The following DLG2 variants were observed in gnomAD, a reference collection of about 807,000 sequenced individuals.
DLG2 encodes the protein discs large MAGUK scaffold protein 2, also known as disks large homolog 2.
DLG2 carries 45 observed loss-of-function variants against 132.5 expected under a neutral mutation model. That is an observed-to-expected ratio of 0.34 (90% CI 0.27 to 0.44). The LOEUF is 0.44. DLG2 is among the 20% of genes least tolerant of loss of function. The pLI is 1.00. For synonymous variants in DLG2, 424 were observed against 419.6 expected, an observed-to-expected ratio of 1.01 and a Z score of -0.13; for missense variants, 1,045 against 1,196.9, an observed-to-expected ratio of 0.87 and a Z score of 1.87.
intron 11 of DLG2, among the ~76,000 whole-genome samples, chr11:84,040,879 T>C (rs2096058369): frequency 6.6e-6 from 1 of 151,970 alleles, no homozygotes; most frequent in Non-Finnish European, 1.5e-5. Context: ...CATTTGTTTG[T>C]ATCCTCTTTT....
At chr11:83,757,953 G>T (rs1198138508) in intron 18 of DLG2, among the ~76,000 whole-genome samples, 1 of 152,010 alleles carries the variant, frequency 6.6e-6, no homozygotes, top group East Asian at 1.9e-4. Flanking sequence ...CTATTGACTT[G>T]GTTAATACAA....
At position 85,337,613 on chromosome 11, in the gene DLG2, G is replaced by A. The variant is rs191167631; in HGVS notation, c.41-52248C>T. On this transcript the variant is annotated intron_variant, in intron 3 of 27. Transcript: ENST00000376104. The stretch of plus-strand genomic sequence containing the variant: ...TAAAACTTTATTATTACAGGTGATT[G>A]CCAGCATGAGAGGATTTCTCTATCA... Among the ~76,000 whole-genome samples, 414 of 152,272 alleles carry A rather than the reference G, an allele frequency of 2.7e-3. 1 individual carries two copies. The highest frequency in any genetic ancestry group is 3.2e-3 in the Non-Finnish European group (220 of 68,024).
intron 7 of DLG2, among the ~76,000 whole-genome samples, chr11:84,423,647 C>A (rs573224469): frequency 1.8e-4 from 28 of 152,234 alleles, no homozygotes; most frequent in African/African-American, 6.7e-4. Flanking sequence ...AGCTTCTCAG[C>A]ATACTGTGAG....
At chr11:84,211,181 C>T (rs2096749581) in intron 8 of DLG2, among the ~76,000 whole-genome samples, 1 of 152,160 alleles carries the variant, frequency 6.6e-6, no homozygotes, top group Non-Finnish European at 1.5e-5. Flanking sequence ...TCAGACTCTC[C>T]TGATTGCAAT....
At chr11:85,422,102 T>A (rs1371714002) in intron 3 of DLG2, among the ~76,000 whole-genome samples, 1 of 152,210 alleles carries the variant, frequency 6.6e-6, no homozygotes, top group African/African-American at 2.4e-5. Context: ...GGTGCTTTTG[T>A]CTCAGTTCTT....
intron 19 of DLG2, among the ~76,000 whole-genome samples, chr11:83,590,259 A>C (rs2097164773): frequency 1.3e-5 from 2 of 151,988 alleles, no homozygotes; most frequent in Non-Finnish European, 2.9e-5. Context: ...TCCTCAGCAA[A>C]TGTAAAAGAA....
intron 4 of DLG2, among the ~76,000 whole-genome samples, chr11:85,241,321 T>C (rs1050958754): frequency 2.0e-5 from 3 of 151,850 alleles, no homozygotes; most frequent in African/African-American, 4.8e-5. Context: ...TAGACAGTCA[T>C]ATCATCTACC....
intron 16 of DLG2, among the ~76,000 whole-genome samples, chr11:83,837,109 C>T (rs959069265): frequency 6.6e-5 from 10 of 152,136 alleles, no homozygotes; most frequent in Non-Finnish European, 1.3e-4. Context: ...CCTCACAGGG[C>T]CCTGCTGATA....
intron 7 of DLG2, among the ~76,000 whole-genome samples, chr11:84,415,421 A>G (rs2098925986): frequency 1.3e-5 from 2 of 152,186 alleles, no homozygotes; most frequent in Non-Finnish European, 2.9e-5. Flanking sequence ...TGTACAAAGC[A>G]CTAATATAGA....
intron 6 of DLG2, among the ~76,000 whole-genome samples, chr11:85,095,305 ATTGTCACAAATCTTTG>A: frequency 6.6e-6 from 1 of 152,348 alleles, no homozygotes; most frequent in Non-Finnish European, 1.5e-5. Context: ...TAAACACAAG[ATTGTCACAAATCTTTG>A]ATTTGTAGAA....
chr11:84,491,734 TC>T (rs1439514652), intron 7 of DLG2, among the ~76,000 whole-genome samples: 1 of 152,156 alleles, frequency 6.6e-6, no homozygotes, highest in Non-Finnish European at 1.5e-5. Flanking sequence ...ATTTCCAACT[TC>T]CACTTGCAGT....
intron 4 of DLG2, among the ~76,000 whole-genome samples, chr11:85,249,456 A>G (rs1043840419): frequency 2.6e-5 from 4 of 151,842 alleles, no homozygotes; most frequent in Non-Finnish European, 4.4e-5. Flanking sequence ...TAAATATAAA[A>G]TAACTGTCTT....
chr11:83,787,312 G>GTT (rs67059010), intron 17 of DLG2, among the ~76,000 whole-genome samples: 8 of 69,638 alleles, frequency 1.1e-4, no homozygotes, highest in African/African-American at 2.9e-4. Context: ...CTTAAGCCTT[G>GTT]TTTTTTTTTT....
intron 6 of DLG2, among the ~76,000 whole-genome samples, chr11:84,562,999 G>A (rs547154566): frequency 1.3e-5 from 2 of 152,132 alleles, no homozygotes; most frequent in African/African-American, 2.4e-5. Context: ...TGATCCTCTC[G>A]CCTCAGCCTC....
intron 27 of DLG2, among the ~76,000 whole-genome samples, chr11:83,461,078 G>T (rs139774427): frequency 0.012 from 1,732 of 143,888 alleles, 29 homozygotes; most frequent in African/African-American, 0.043. Flanking sequence ...GCACGATCTC[G>T]GCTCACTGCG....
intron 21 of DLG2, among the ~76,000 whole-genome samples, chr11:83,496,223 G>GA (rs1201174863): frequency 6.6e-6 from 1 of 150,814 alleles, no homozygotes; most frequent in Non-Finnish European, 1.5e-5. Context: ...GAAAGCATAT[G>GA]AAAAACATCA....
chr11:84,510,704 C>T (rs190146387), intron 7 of DLG2, among the ~76,000 whole-genome samples: 60 of 152,228 alleles, frequency 3.9e-4, no homozygotes, highest in African/African-American at 1.3e-3. Context: ...TGATATTTAA[C>T]AGTCATTCGT....
intron 9 of DLG2, among the ~76,000 whole-genome samples, chr11:84,114,399 G>A (rs533721422): frequency 2.6e-5 from 4 of 152,134 alleles, no homozygotes; most frequent in Non-Finnish European, 5.9e-5. Flanking sequence ...GTATTAGCCA[G>A]CATTATAATT....
chr11:83,839,933 G>C (rs1281280165), intron 16 of DLG2, among the ~76,000 whole-genome samples: 2 of 152,080 alleles, frequency 1.3e-5, no homozygotes, highest in African/African-American at 4.8e-5. Context: ...CTCCCAACTT[G>C]AAGTCTCCTT....
Sources: allele counts gnomAD v4.1 joint callset (sites outside exome capture counted in the v4.1 genomes callset), GRCh38; gene constraint gnomAD v4.1.1; transcripts MANE v1.5; gene names NCBI Gene and HGNC (gene_info 2026-07-23, HGNC 2026-07-21).